The following BPTF variants were observed in gnomAD, a reference collection of about 807,000 sequenced individuals.
The protein encoded by BPTF is nucleosome-remodeling factor subunit BPTF.
In BPTF, 18 loss-of-function variants were observed where a neutral mutation model predicts 292.5. The observed-to-expected ratio is 0.06, with a 90% CI of 0.04 to 0.09. The LOEUF (loss-of-function observed/expected upper bound fraction) is 0.09, where lower values mean the gene tolerates loss of function less well. Ranked by LOEUF, BPTF falls within the 10% of genes least tolerant of loss-of-function variation. The pLI is 1.00. For synonymous variants in BPTF, 1,225 were observed against 1,251.9 expected (o/e 0.98, Z 0.45); for missense variants, 2,726 against 3,498.7 (o/e 0.78, Z 5.57).
intron 4 of BPTF, among the ~76,000 whole-genome samples, chr17:67,876,063 C>G (rs1296260448): frequency 1.3e-5 from 2 of 152,144 alleles, no homozygotes; most frequent in Non-Finnish European, 2.9e-5. Flanking sequence ...ACTAATGGCT[C>G]AATGTTGAAT....
chr17:67,871,476 A>G (rs2059733689), intron 3 of BPTF, among the ~76,000 whole-genome samples: 1 of 151,512 alleles, frequency 6.6e-6, no homozygotes, highest in Non-Finnish European at 1.5e-5. Flanking sequence ...TACAGTAAAT[A>G]CTCATATATT....
intron 23 of BPTF, among the ~76,000 whole-genome samples, chr17:67,949,528 T>C (rs1568154289): frequency 6.6e-6 from 1 of 150,738 alleles, no homozygotes. Flanking sequence ...TGAGCTGAGA[T>C]CACACCACTA....
In BPTF at chr17:67,975,563, C is replaced by T. The variant is rs577406632; in HGVS notation, c.8540-209C>T. 98 of 477,958 alleles carry T rather than the reference C, an allele frequency of 2.1e-4. No individual in the cohort carries two copies. The East Asian group carries it at 3.4e-3, about 17-fold the overall frequency. The allele number at this position is 477,958 out of a possible 1,614,324, so 29.6% of individuals were successfully genotyped here. On this transcript the variant is annotated intron_variant, in intron 26 of 27. Coordinates refer to ENST00000306378, the MANE Select transcript of BPTF (RefSeq NM_182641.4). ...AAGTAAAAGAACCTTAACAGCAACC[C>T]GGATTTATATTTTAGAACCTCAATC... is the stretch of plus-strand genomic sequence containing the variant.
At chr17:67,849,740 C>T (rs8081964) in intron 1 of BPTF, among the ~76,000 whole-genome samples, 15,268 of 151,796 alleles carry the variant, frequency 0.1, 2,625 homozygotes, top group African/African-American at 0.35. Flanking sequence ...GGGTTTGAGA[C>T]CAGCCTGGCC....
At chr17:67,898,598 C>T (rs559715813) in intron 7 of BPTF, among the ~76,000 whole-genome samples, 124 of 152,030 alleles carry the variant, frequency 8.2e-4, no homozygotes, top group South Asian at 1.9e-3. Flanking sequence ...GTGTGAGCCG[C>T]TGCACTTGGC....
chr17:67,868,758 C>T (rs1383163033), intron 3 of BPTF, among the ~76,000 whole-genome samples: 2 of 152,132 alleles, frequency 1.3e-5, no homozygotes, highest in Admixed American at 6.5e-5. Flanking sequence ...TAAAGATACC[C>T]GGATAGCTGT....
rs765204076 is a variant in BPTF at position 67,913,149 on chromosome 17, A to G, written c.5265A>G (p.Pro1755=). The G allele has an allele frequency of 3.1e-6, 5 of 1,613,074 alleles. 1 individual carries two copies. In the South Asian group the frequency reaches 4.4e-5, roughly 14 times the overall value. The change falls in exon 11 of 28, where the codon CCA becomes CCG. Residue 1755 remains proline (P), a synonymous_variant. Transcript: ENST00000306378. ...YNAKPALDIW[P]YPSPRPTFGI... ...CAAAACCTGCTTTGGATATATGGCCATATCCTTCTCCTAGACCGACCTTTG... is the reference window on the plus strand; with the variant it reads ...CAAAACCTGCTTTGGATATATGGCCGTATCCTTCTCCTAGACCGACCTTTG...
chr17:67,858,555 C>CAAA (rs561316267), intron 2 of BPTF, among the ~76,000 whole-genome samples: 14 of 77,892 alleles, frequency 1.8e-4, no homozygotes, highest in Admixed American at 2.7e-4. Context: ...ACTCTGTCTC[C>CAAA]AAAAAAAAAA....
chr17:67,915,133 T>C (rs1028015378), intron 11 of BPTF, among the ~76,000 whole-genome samples: 3 of 152,214 alleles, frequency 2.0e-5, no homozygotes, highest in Non-Finnish European at 4.4e-5. Flanking sequence ...ATCTTTGTTA[T>C]TAATGTTAAG....
chr17:67,825,910 G>A lies in BPTF; in HGVS notation c.186G>A (p.Thr62=). The A allele has an allele frequency of 4.9e-6, 5 of 1,016,030 alleles. No individual in the cohort carries two copies. The highest frequency in any genetic ancestry group is 5.9e-6 in the Non-Finnish European group (5 of 851,630). 62.9% of individuals were successfully genotyped at this position (1,016,030 alleles called of 1,614,324 possible). The part of the protein sequence containing the change: ...AAAQAEVAPK[T]RLSSPRGGSS... ...CCCAGGCTGAGGTGGCGCCCAAGAC[G>A]CGGCTGAGCTCGCCCAGGGGGGGCA... is the stretch of plus-strand genomic sequence containing the variant. Residue 62 remains threonine, a synonymous_variant, in exon 1 of 28, where the codon ACG becomes ACA. Coordinates refer to ENST00000306378, the MANE Select transcript of BPTF (RefSeq NM_182641.4).
intron 23 of BPTF, chr17:67,956,814 A>T (rs1173967789): frequency 6.6e-6 from 1 of 152,036 alleles, no homozygotes; most frequent in Admixed American, 6.6e-5. Context: ...ATACAAAAAA[A>T]TTAGCCGAGT....
chr17:67,954,723 A>G (rs1467626335), intron 23 of BPTF, among the ~76,000 whole-genome samples: 54 of 152,088 alleles, frequency 3.6e-4, no homozygotes, highest in Admixed American at 3.5e-3. Context: ...TTGAAGGGAG[A>G]GGGAAGATCA....
intron 7 of BPTF, among the ~76,000 whole-genome samples, chr17:67,900,354 A>G (rs1278941864): frequency 6.6e-6 from 1 of 151,448 alleles, no homozygotes; most frequent in East Asian, 2.0e-4. Flanking sequence ...ATCCACCCTC[A>G]ATGGCTTCCC....
intron 1 of BPTF, among the ~76,000 whole-genome samples, chr17:67,834,994 C>G (rs1228307584): frequency 6.6e-6 from 1 of 152,152 alleles, no homozygotes; most frequent in Non-Finnish European, 1.5e-5. Context: ...GGGAAGATCA[C>G]TTAAGGCAGC....
Position 67,911,103 on chromosome 17 carries a change from G to T in BPTF, c.3219G>T (p.Leu1073=), listed in dbSNP as rs771199467. Residue 1073 remains leucine, a synonymous_variant, in exon 11 of 28, where the codon CTG becomes CTT. Transcript: ENST00000306378. ...LLERRIKQFT[L]EEKQRLEKIK... ...AAAGGAGAATTAAACAGTTTACACT[G>T]GAAGAAAAACAGCGACTCGAAAAAA... The T allele has an allele frequency of 6.2e-7, 1 of 1,613,900 alleles. No homozygotes were observed. The highest frequency in any genetic ancestry group is 8.5e-7 in the Non-Finnish European group (1 of 1,179,978).
chr17:67,845,539 C>T (rs1051296957), intron 1 of BPTF, among the ~76,000 whole-genome samples: 4 of 151,978 alleles, frequency 2.6e-5, no homozygotes, highest in African/African-American at 7.3e-5. Flanking sequence ...TGGGGAGGCC[C>T]GAGGTGGGAG....
chr17:67,967,618 C>G (rs950707074), intron 26 of BPTF, among the ~76,000 whole-genome samples: 1 of 151,884 alleles, frequency 6.6e-6, no homozygotes, highest in African/African-American at 2.4e-5. Flanking sequence ...GTCAGGAGTT[C>G]GAGACCAGCC....
rs1555698097 is a variant in BPTF at position 67,984,192 on chromosome 17, A to G, written c.*1904A>G. On this transcript the variant is annotated 3_prime_UTR_variant, in exon 28 of 28. Transcript: ENST00000306378. ...CATCACGTCACAGTATTTCTGTACT[A>G]TTTATTCATATATATAAATATATAT... The G allele has an allele frequency of 1.3e-5, 2 of 152,560 alleles. No homozygotes were observed. Among genetic ancestry groups the G allele is most frequent in the Non-Finnish European group, 2.9e-5 (2 of 68,028 alleles). 9.5% of individuals were successfully genotyped at this position (152,560 alleles called of 1,614,324 possible).
intron 1 of BPTF, among the ~76,000 whole-genome samples, chr17:67,831,097 A>G (rs1393814499): frequency 6.6e-6 from 1 of 152,018 alleles, no homozygotes; most frequent in Non-Finnish European, 1.5e-5. Flanking sequence ...TTTCAGAGGG[A>G]TGCCACGAAG....
Sources: allele counts gnomAD v4.1 joint callset (sites outside exome capture counted in the v4.1 genomes callset), GRCh38; gene constraint gnomAD v4.1.1; transcripts MANE v1.5; gene names NCBI Gene and HGNC (gene_info 2026-07-23, HGNC 2026-07-21).